Variants in CNTN4 observed in about 807,000 individuals in gnomAD.
CNTN4 encodes contactin 4, also known as contactin-4.
CNTN4 carries 77 observed loss-of-function variants against 122.5 expected under a neutral mutation model. That is an observed-to-expected ratio of 0.63 (90% CI 0.52 to 0.76). The LOEUF (loss-of-function observed/expected upper bound fraction) is 0.76, where lower values mean the gene tolerates loss of function less well. CNTN4 is among the 30% of genes least tolerant of loss of function. The pLI is 0.00. For synonymous variants in CNTN4, 512 were observed against 447.0 expected (o/e 1.15, Z -1.83); for missense variants, 1,256 against 1,259.1 (o/e 1.00, Z 0.04).
In CNTN4 at chr3:3,011,156, G is replaced by C. The variant is rs78414893; in HGVS notation, c.1487-14946G>C. The stretch of plus-strand genomic sequence containing the variant: ...GAATTATAAGATAGAAGACAAGTGG[G>C]GGAAGAAAAGGTTTAAAAAGATTCT... On this transcript the variant is annotated intron_variant, in intron 14 of 24. Transcript: ENST00000418658. Among the ~76,000 whole-genome samples, 701 of 152,222 alleles carry C rather than the reference G, an allele frequency of 4.6e-3. 2 individuals carry two copies. The highest frequency in any genetic ancestry group is 0.016 in the African/African-American group (647 of 41,540).
chr3:2,213,449 C>G (rs939405902), intron 2 of CNTN4, among the ~76,000 whole-genome samples: 2 of 152,136 alleles, frequency 1.3e-5, no homozygotes, highest in African/African-American at 4.8e-5. Context: ...CAGTGAATTA[C>G]TGTACAGTAA....
intron 15 of CNTN4, among the ~76,000 whole-genome samples, chr3:3,027,178 A>T (rs1698799593): frequency 6.6e-6 from 1 of 152,202 alleles, no homozygotes; most frequent in Non-Finnish European, 1.5e-5. Flanking sequence ...AGCCCTGTTC[A>T]TCACAGTCTT....
rs76826161 is a variant in CNTN4 at position 2,604,274 on chromosome 3, G to A, written c.55+32716G>A. On this transcript the variant is annotated intron_variant, in intron 4 of 24. Transcript: ENST00000418658. ...TTTTTAAAAAGTGGAGGATTTCCCT[G>A]ACTTGATGCCTCTTCCTGTGACCCT... 1.6e-3 allele frequency among the ~76,000 whole-genome samples: 240 copies of A among 152,206 alleles called. 1 individual carries two copies. Among genetic ancestry groups the A allele is most frequent in the African/African-American group, 4.7e-3 (197 of 41,530 alleles).
intron 7 of CNTN4, among the ~76,000 whole-genome samples, chr3:2,845,292 G>T (rs996482857): frequency 5.3e-5 from 8 of 152,070 alleles, no homozygotes. Flanking sequence ...AGTTGTCAAT[G>T]CATGATGAAC....
At position 2,621,690 on chromosome 3, in the gene CNTN4, A is replaced by G. The variant is rs1032123049; in HGVS notation, c.55+50132A>G. ...ACACCAAAATATTAAGTGGGGAGTG[A>G]CTTAATGAACCCCATGGAATGAGAA... On this transcript the variant is annotated intron_variant, in intron 4 of 24. Transcript: ENST00000418658. 2.6e-5 allele frequency among the ~76,000 whole-genome samples: 4 copies of G among 152,258 alleles called. No individual in the cohort carries two copies. In the South Asian group the frequency reaches 6.2e-4, roughly 24 times the overall value.
In CNTN4 at chr3:2,680,754, A is replaced by G. The variant is rs180673001; in HGVS notation, c.56-55461A>G. Among the ~76,000 whole-genome samples the G allele has an allele frequency of 1.4e-3, 214 of 152,318 alleles. No homozygotes were observed. The Middle Eastern group carries it at 0.024, about 17-fold the overall frequency. ...TGCTTGGATTGCAGTGTATATAAACATAATGAAAATCTCAATATAAAGTTG... is the reference window on the plus strand; with the variant it reads ...TGCTTGGATTGCAGTGTATATAAACGTAATGAAAATCTCAATATAAAGTTG... On this transcript the variant is annotated intron_variant, in intron 4 of 24. Coordinates refer to ENST00000418658, the MANE Select transcript of CNTN4 (RefSeq NM_175607.3).
chr3:2,714,901 C>G (rs2087394188), intron 4 of CNTN4, among the ~76,000 whole-genome samples: 1 of 152,050 alleles, frequency 6.6e-6, no homozygotes, highest in Non-Finnish European at 1.5e-5. Context: ...CACGCTGGGC[C>G]CAGTTCGAGA....
At chr3:2,408,685 G>T (rs1027590684) in intron 3 of CNTN4, among the ~76,000 whole-genome samples, 2 of 152,128 alleles carry the variant, frequency 1.3e-5, no homozygotes, top group Admixed American at 1.3e-4. Context: ...ATCAATATGT[G>T]CTATCTCATA....
intron 2 of CNTN4, among the ~76,000 whole-genome samples, chr3:2,208,874 A>C (rs2038481972): frequency 6.6e-6 from 1 of 152,152 alleles, no homozygotes; most frequent in Admixed American, 6.6e-5. Context: ...AGTATGTTTA[A>C]ATGAAATATG....
intron 13 of CNTN4, among the ~76,000 whole-genome samples, chr3:2,931,017 G>C (rs2094515736): frequency 6.6e-6 from 1 of 152,226 alleles, no homozygotes; most frequent in Non-Finnish European, 1.5e-5. Context: ...ACTTGAATCA[G>C]AAGACCATGG....
At chr3:2,562,982 C>T (rs965426300) in intron 3 of CNTN4, among the ~76,000 whole-genome samples, 1 of 152,146 alleles carries the variant, frequency 6.6e-6, no homozygotes, top group African/African-American at 2.4e-5. Flanking sequence ...CCTGCCTCAG[C>T]TTCCCAAAGT....
chr3:2,548,218 CT>C (rs1485267014), intron 3 of CNTN4, among the ~76,000 whole-genome samples: 2 of 152,116 alleles, frequency 1.3e-5, no homozygotes, highest in African/African-American at 4.8e-5. Context: ...GTTGCCATTG[CT>C]TTTGGTGTTT....
At chr3:2,752,744 A>G (rs2090156002) in intron 6 of CNTN4, among the ~76,000 whole-genome samples, 1 of 152,116 alleles carries the variant, frequency 6.6e-6, no homozygotes, top group Non-Finnish European at 1.5e-5. Context: ...TCTGTTAACC[A>G]GTCTCTCCCT....
intron 3 of CNTN4, among the ~76,000 whole-genome samples, chr3:2,567,994 C>A (rs776570776): frequency 3.3e-5 from 5 of 152,136 alleles, no homozygotes; most frequent in Admixed American, 6.5e-5. Flanking sequence ...ACTGTGAGCT[C>A]CTTGAGGACA....
chr3:2,595,688 C>T (rs112527296), intron 4 of CNTN4, among the ~76,000 whole-genome samples: 3,793 of 152,194 alleles, frequency 0.025, 52 homozygotes, highest in Middle Eastern at 0.061. Context: ...TTGGGTGTAG[C>T]CCCTCCTACT....
intron 2 of CNTN4, among the ~76,000 whole-genome samples, chr3:2,255,145 C>G (rs2040529768): frequency 6.6e-6 from 1 of 152,136 alleles, no homozygotes; most frequent in Non-Finnish European, 1.5e-5. Flanking sequence ...AGTAGGGAAT[C>G]CTTTCTCCAT....
chr3:2,758,986 T>C (rs1041745748), intron 6 of CNTN4, among the ~76,000 whole-genome samples: 1 of 152,114 alleles, frequency 6.6e-6, no homozygotes, highest in Non-Finnish European at 1.5e-5. Flanking sequence ...CCGTTAACAG[T>C]CACTTTCTGT....
At chr3:2,265,584 A>G (rs1457436121) in intron 2 of CNTN4, among the ~76,000 whole-genome samples, 4 of 151,892 alleles carry the variant, frequency 2.6e-5, no homozygotes, top group Non-Finnish European at 2.9e-5. Context: ...TTAGGATTGT[A>G]TTTTTCATTT....
chr3:2,177,809 C>CCTATCAACAAAATACTTTCAAAGCAAT (rs2036823952), intron 2 of CNTN4, among the ~76,000 whole-genome samples: 1 of 151,980 alleles, frequency 6.6e-6, no homozygotes, highest in Admixed American at 6.6e-5. Flanking sequence ...AGATGTTAAT[C>CCTATCAACAAAATACTTTCAAAGCAAT]CTATCAACAA....
Sources: gnomAD v4.1 joint callset for allele counts (sites outside exome capture counted in the v4.1 genomes callset) on GRCh38, gnomAD v4.1.1 for gene constraint, MANE v1.5 for transcripts, NCBI Gene and HGNC (gene_info 2026-07-23, HGNC 2026-07-21) for gene names.